The following ACSL3 variants were observed in gnomAD, a reference collection of about 807,000 sequenced individuals.
The protein encoded by ACSL3 is acyl-CoA synthetase long chain family member 3.
Under a neutral mutation model 84.7 loss-of-function variants are expected in ACSL3, and 34 were observed. The observed-to-expected ratio is 0.40, with a 90% CI of 0.31 to 0.53. The LOEUF is 0.53. Ranked by LOEUF, ACSL3 falls within the 20% of genes least tolerant of loss-of-function variation. The pLI is 0.48. For synonymous variants in ACSL3, 315 were observed against 299.4 expected (o/e 1.05, Z -0.54); for missense variants, 680 against 873.1 (o/e 0.78, Z 2.79).
At chr2:222,913,219 A>G (rs923169147) in intron 4 of ACSL3, among the ~76,000 whole-genome samples, 1 of 152,154 alleles carries the variant, frequency 6.6e-6, no homozygotes, top group Admixed American at 6.5e-5. Context: ...AGATAATAGA[A>G]ACACTCATTT....
intron 8 of ACSL3, among the ~76,000 whole-genome samples, chr2:222,921,643 A>G (rs374189898): frequency 7.2e-5 from 11 of 152,230 alleles, no homozygotes; most frequent in Middle Eastern, 3.2e-3. Flanking sequence ...ATATTTTAAA[A>G]AGTACAGAAC....
intron 2 of ACSL3, among the ~76,000 whole-genome samples, chr2:222,892,183 G>C (rs1695857987): frequency 2.0e-5 from 3 of 152,152 alleles, no homozygotes; most frequent in Admixed American, 2.0e-4. Flanking sequence ...AAATACATAA[G>C]AACCACTGTA....
intron 1 of ACSL3, among the ~76,000 whole-genome samples, 164 bp from the exon 2 acceptor site, chr2:222,887,666 A>G (rs1209321959): frequency 6.6e-6 from 1 of 152,178 alleles, no homozygotes; most frequent in Non-Finnish European, 1.5e-5. Context: ...CATGATAAAA[A>G]TTTTGTTTGC....
intron 2 of ACSL3, among the ~76,000 whole-genome samples, chr2:222,891,216 T>A (rs1695837609): frequency 6.6e-6 from 1 of 152,184 alleles, no homozygotes; most frequent in African/African-American, 2.4e-5. Context: ...AAATAAGGAG[T>A]AGTACTGAAA....
intron 4 of ACSL3, among the ~76,000 whole-genome samples, chr2:222,914,829 G>A (rs544755947): frequency 6.6e-6 from 1 of 152,274 alleles, no homozygotes; most frequent in Admixed American, 6.5e-5. Flanking sequence ...TCCTCTAAAT[G>A]TAATATTTAT....
Position 222,903,432 on chromosome 2 carries a change from A to G in ACSL3, c.-41+2652A>G, listed in dbSNP as rs576269792. Among the ~76,000 whole-genome samples the G allele has an allele frequency of 6.6e-5, 10 of 152,344 alleles. No individual in the cohort carries two copies. The South Asian group carries it at 1.7e-3, about 25-fold the overall frequency. On this transcript the variant is annotated intron_variant, in intron 3 of 16. Transcript: ENST00000357430. ...CCTGGGATTACAGTTGTGAGCCACC[A>G]TGCTGGCCTGTTTTTCAATTATTGA...
intron 3 of ACSL3, among the ~76,000 whole-genome samples, chr2:222,901,314 C>T (rs1256754452): frequency 6.6e-6 from 1 of 152,142 alleles, no homozygotes; most frequent in African/African-American, 2.4e-5. Flanking sequence ...AAAGACTGTT[C>T]TTTCCCCATT....
Position 222,889,936 on chromosome 2 carries a change from G to C in ACSL3, c.-148+2048G>C, listed in dbSNP as rs80181650. Among the ~76,000 whole-genome samples the C allele has an allele frequency of 3.8e-3, 583 of 152,308 alleles. 2 individuals are homozygous for C. The highest frequency in any genetic ancestry group is 0.02 in the Middle Eastern group (6 of 294). ...TGTTGTTCAGGAATAGCTTTTCTTA[G>C]TGGTAAAATAATTGGGAATTTGTAG... On this transcript the variant is annotated intron_variant, in intron 2 of 16. Transcript: ENST00000357430.
chr2:222,867,346 TAAAG>T (rs1258353477), intron 1 of ACSL3, among the ~76,000 whole-genome samples: 13 of 152,370 alleles, frequency 8.5e-5, no homozygotes, highest in East Asian at 5.8e-4. Context: ...TTAATCCACT[TAAAG>T]AAACCCACTC....
At chr2:222,879,861 C>A (rs1057146269) in intron 1 of ACSL3, among the ~76,000 whole-genome samples, 1 of 151,826 alleles carries the variant, frequency 6.6e-6, no homozygotes, top group Non-Finnish European at 1.5e-5. Context: ...TCACTGGAGA[C>A]TGTTTCAGAA....
chr2:222,921,825 G>T (rs1438002988), intron 8 of ACSL3, among the ~76,000 whole-genome samples: 4 of 152,130 alleles, frequency 2.6e-5, no homozygotes, highest in African/African-American at 9.7e-5. Flanking sequence ...AAACTCCAGT[G>T]GTAGCAGTGG....
intron 16 of ACSL3, among the ~76,000 whole-genome samples, chr2:222,936,608 TC>T (rs55915039): frequency 2.3e-5 from 3 of 131,188 alleles, no homozygotes; most frequent in Non-Finnish European, 4.7e-5. Flanking sequence ...TTCTGCACCC[TC>T]CCCCCCCACC....
At position 222,934,697 on chromosome 2, in the gene ACSL3, C is replaced by A; in HGVS notation, c.2005+10C>A. The A allele has an allele frequency of 1.2e-6, 2 of 1,602,922 alleles. No individual in the cohort carries two copies. The highest frequency in any genetic ancestry group is 1.2e-5 in the South Asian group (1 of 86,812). ...GAAGCTGCTATTTCAGGTGAGTATT[C>A]GGTTAAACTGATACTAAAAACTGAG... On this transcript the variant is annotated intron_variant, in intron 16 of 16. Transcript: ENST00000357430.
intron 3 of ACSL3, among the ~76,000 whole-genome samples, chr2:222,906,244 G>A (rs1323038597): frequency 2.0e-5 from 3 of 152,172 alleles, no homozygotes; most frequent in Admixed American, 6.5e-5. Flanking sequence ...GGGTACACTT[G>A]GGCACGCACA....
chr2:222,928,723 C>A (rs369628692), intron 12 of ACSL3, 139 bp from the exon 13 acceptor site: 6 of 746,988 alleles, frequency 8.0e-6, no homozygotes, highest in Admixed American at 2.9e-5. Flanking sequence ...TGTGCTTCAC[C>A]AATATGTGAC....
intron 4 of ACSL3, among the ~76,000 whole-genome samples, chr2:222,912,356 A>G (rs1369711332): frequency 1.3e-5 from 2 of 152,146 alleles, no homozygotes; most frequent in African/African-American, 4.8e-5. Flanking sequence ...ATTGCATTGC[A>G]TCAGTAGCAG....
At chr2:222,936,790 AT>A (rs1326250221) in intron 16 of ACSL3, among the ~76,000 whole-genome samples, 1 of 152,038 alleles carries the variant, frequency 6.6e-6, no homozygotes, top group Admixed American at 6.5e-5. Flanking sequence ...CTTACTGTAC[AT>A]TTGTGGCAGA....
chr2:222,916,711 C>T (rs1574552664), intron 5 of ACSL3: 1 of 393,204 alleles, frequency 2.5e-6, no homozygotes, highest in Non-Finnish European at 4.4e-6. Context: ...GCTTGAACCT[C>T]TTCATGGGAG....
chr2:222,941,741 A>G lies in ACSL3; in HGVS notation c.*87A>G, dbSNP rs975095317. ...ATGCATGTCTCAAGCTGCAAGGCAAACTCCATTCCTCATATTAAACTATTA... is the reference window on the plus strand; with the variant it reads ...ATGCATGTCTCAAGCTGCAAGGCAAGCTCCATTCCTCATATTAAACTATTA... On this transcript the variant is annotated 3_prime_UTR_variant, in exon 17 of 17. Transcript: ENST00000357430. The G allele has an allele frequency of 3.1e-5, 43 of 1,391,332 alleles. No individual in the cohort carries two copies. The highest frequency in any genetic ancestry group is 4.2e-5 in the Non-Finnish European group (43 of 1,032,420). The allele number at this position is 1,391,332 out of a possible 1,614,324, so 86.2% of individuals were successfully genotyped here. A position where few individuals can be genotyped will look rare whatever the true frequency, so the allele number is the denominator to read the frequency against.
Sources: allele counts gnomAD v4.1 joint callset (sites outside exome capture counted in the v4.1 genomes callset), GRCh38; gene constraint gnomAD v4.1.1; transcripts MANE v1.5; gene names NCBI Gene and HGNC (gene_info 2026-07-23, HGNC 2026-07-21).